LMTK2: variants seen among roughly 807,000 people sequenced by gnomAD.
The protein encoded by LMTK2 is lemur tail kinase 2.
LMTK2 carries 37 observed loss-of-function variants against 127.5 expected under a neutral mutation model. That is an observed-to-expected ratio of 0.29 (90% CI 0.22 to 0.38). The LOEUF (loss-of-function observed/expected upper bound fraction) is 0.38, where lower values mean the gene tolerates loss of function less well. Among genes scored for constraint, LMTK2 ranks in the 10% least tolerant of loss-of-function variants. The pLI is 1.00. For synonymous variants in LMTK2, 819 were observed against 810.1 expected, an observed-to-expected ratio of 1.01 and a Z score of -0.19; for missense variants, 1,694 against 1,920.3, an observed-to-expected ratio of 0.88 and a Z score of 2.20.
intron 6 of LMTK2, among the ~76,000 whole-genome samples, chr7:98,166,275 T>G (rs1239669386): frequency 6.6e-6 from 1 of 152,236 alleles, no homozygotes. Flanking sequence ...AACCAAGGTG[T>G]GCACCTGTAG....
chr7:98,161,128 G>A (rs1402787501), intron 6 of LMTK2, among the ~76,000 whole-genome samples: 4 of 152,030 alleles, frequency 2.6e-5, no homozygotes, highest in African/African-American at 4.8e-5. Flanking sequence ...TTTTGTACCC[G>A]TTACAATTTT....
chr7:98,132,273 C>T (rs972884945), intron 1 of LMTK2, among the ~76,000 whole-genome samples: 2 of 151,576 alleles, frequency 1.3e-5, no homozygotes, highest in African/African-American at 2.4e-5. Flanking sequence ...TTTTTTGAGA[C>T]GGAGTCTCAC....
At chr7:98,127,027 A>G (rs939392488) in intron 1 of LMTK2, among the ~76,000 whole-genome samples, 2 of 152,106 alleles carry the variant, frequency 1.3e-5, no homozygotes, top group East Asian at 1.9e-4. Context: ...TTCCTTTCCT[A>G]TATTAGAATA....
chr7:98,171,535 TTGC>T lies in LMTK2; in HGVS notation c.658-5_658-3del. On this transcript the variant is annotated splice_polypyrimidine_tract_variant and splice_region_variant and intron_variant, in intron 6 of 13. Transcript: ENST00000297293. The surrounding 1 kb of genome is among the most constrained non-coding windows in gnomAD (Gnocchi z 5.1). The stretch of plus-strand genomic sequence containing the variant: ...TTTGGAAACTCACACGGGCTGACTT[TTGC>T]AGGGTGACCTGAAGGCGTATCTGCG... 6.2e-7 allele frequency: 1 copy of T among 1,614,082 alleles called. No homozygotes were observed. Among genetic ancestry groups the T allele is most frequent in the Non-Finnish European group, 8.5e-7 (1 of 1,180,050 alleles).
At chr7:98,133,897 T>C (rs1382819009) in intron 1 of LMTK2, among the ~76,000 whole-genome samples, 1 of 152,132 alleles carries the variant, frequency 6.6e-6, no homozygotes, top group Admixed American at 6.6e-5. Context: ...TTGTGATGCT[T>C]AAAAAAACAA....
chr7:98,139,733 AC>A (rs1310361485), intron 2 of LMTK2, among the ~76,000 whole-genome samples: 2 of 152,236 alleles, frequency 1.3e-5, no homozygotes, highest in Middle Eastern at 3.2e-3. Flanking sequence ...GTCTTCTCAC[AC>A]GCATATGGAA....
At chr7:98,183,212 T>C (rs1437781583) in intron 7 of LMTK2, among the ~76,000 whole-genome samples, 1 of 152,214 alleles carries the variant, frequency 6.6e-6, no homozygotes, top group Non-Finnish European at 1.5e-5. Flanking sequence ...CTAGGTCTTT[T>C]CTCTGATCCT....
At chr7:98,124,215 C>G (rs1188966123) in intron 1 of LMTK2, among the ~76,000 whole-genome samples, 1 of 152,220 alleles carries the variant, frequency 6.6e-6, no homozygotes, top group Non-Finnish European at 1.5e-5. Flanking sequence ...CACCTCACAT[C>G]TGCCAGCAAG....
At chr7:98,129,964 T>C (rs550560705) in intron 1 of LMTK2, among the ~76,000 whole-genome samples, 1 of 152,230 alleles carries the variant, frequency 6.6e-6, no homozygotes, top group Non-Finnish European at 1.5e-5. Context: ...CATGGGCCGA[T>C]GCACGGTAAT....
At chr7:98,122,224 C>G (rs1449583140) in intron 1 of LMTK2, among the ~76,000 whole-genome samples, 1 of 151,490 alleles carries the variant, frequency 6.6e-6, no homozygotes, top group Non-Finnish European at 1.5e-5. Flanking sequence ...TTCCAACTTT[C>G]GTTTTTGTTT....
At chr7:98,182,365 AT>A (rs2116444711) in intron 7 of LMTK2, among the ~76,000 whole-genome samples, 1 of 152,378 alleles carries the variant, frequency 6.6e-6, no homozygotes, top group South Asian at 2.1e-4. Context: ...TATAAAGCAT[AT>A]ATGGAGAATT....
intron 7 of LMTK2, among the ~76,000 whole-genome samples, chr7:98,176,587 G>T (rs1049769853): frequency 1.1e-4 from 17 of 152,308 alleles, no homozygotes; most frequent in African/African-American, 3.8e-4. Flanking sequence ...GCTCACACCT[G>T]TAATCTCAGC....
chr7:98,151,508 T>C (rs750885090), intron 4 of LMTK2, 53 bp downstream of exon 4: 35 of 1,365,120 alleles, frequency 2.6e-5, no homozygotes, highest in South Asian at 4.7e-5. Flanking sequence ...CTGTGTTCAG[T>C]GCAGGGCTGA....
intron 3 of LMTK2, among the ~76,000 whole-genome samples, chr7:98,145,373 T>C (rs1052908482): frequency 6.6e-6 from 1 of 152,142 alleles, no homozygotes; most frequent in Admixed American, 6.5e-5. Context: ...TTTTTTAGAG[T>C]ATGAAATTTA....
intron 10 of LMTK2, among the ~76,000 whole-genome samples, chr7:98,191,111 T>C (rs1240248794): frequency 5.3e-5 from 8 of 152,150 alleles, no homozygotes; most frequent in African/African-American, 1.9e-4. Context: ...TATTTATTTA[T>C]TTTTATTTAA....
At chr7:98,108,639 A>AG (rs1436000470) in intron 1 of LMTK2, among the ~76,000 whole-genome samples, 1 of 152,226 alleles carries the variant, frequency 6.6e-6, no homozygotes, top group East Asian at 1.9e-4. Flanking sequence ...AAAGAGTCAC[A>AG]GGAAATGCCT....
chr7:98,119,665 C>T (rs1420379933), intron 1 of LMTK2, among the ~76,000 whole-genome samples: 1 of 152,150 alleles, frequency 6.6e-6, no homozygotes, highest in Non-Finnish European at 1.5e-5. Context: ...GGTGCCAGTC[C>T]TGGACCACCA....
chr7:98,127,803 G>A (rs774784676), intron 1 of LMTK2, among the ~76,000 whole-genome samples: 8 of 152,124 alleles, frequency 5.3e-5, no homozygotes, highest in African/African-American at 1.7e-4. Flanking sequence ...GTATCAGAGC[G>A]TCACACATAC....
intron 1 of LMTK2, among the ~76,000 whole-genome samples, chr7:98,125,921 C>T (rs943283211): frequency 3.3e-5 from 5 of 152,286 alleles, no homozygotes; most frequent in East Asian, 3.9e-4. Flanking sequence ...CGTCTCTCAC[C>T]GCCAGGCCTG....
Sources: gnomAD v4.1 joint callset for allele counts (sites outside exome capture counted in the v4.1 genomes callset) on GRCh38, gnomAD v4.1.1 for gene constraint, Gnocchi (gnomAD v3.1) non-coding constraint, MANE v1.5 for transcripts, NCBI Gene and HGNC (gene_info 2026-07-23, HGNC 2026-07-21) for gene names.